The following OSER1 variants were observed in gnomAD, a reference collection of about 807,000 sequenced individuals.
OSER1 encodes the protein oxidative stress responsive serine rich 1, also known as oxidative stress-responsive serine-rich protein 1.
A neutral mutation model predicts 26.3 loss-of-function variants in OSER1; 15 were observed. The observed-to-expected ratio is 0.57, with a 90% CI of 0.38 to 0.88. The LOEUF is 0.88. OSER1 is among the 40% of genes least tolerant of loss of function. The pLI is 0.00. For missense variants in OSER1, 313 were observed against 353.9 expected (o/e 0.88, Z 0.93); for synonymous variants, 127 against 128.2 (o/e 0.99, Z 0.07).
At chr20:44,209,031 C>T (rs917428593) in intron 1 of OSER1, among the ~76,000 whole-genome samples, 2 of 152,198 alleles carry the variant, frequency 1.3e-5, no homozygotes, top group Non-Finnish European at 2.9e-5. Context: ...ACTCCATTTC[C>T]GTAAGGACTA....
In OSER1 at chr20:44,203,377, A is replaced by C. The variant is rs146564938; in HGVS notation, c.78-303T>G. 1.7e-4 allele frequency among the ~76,000 whole-genome samples: 26 copies of C among 152,358 alleles called. No individual in the cohort carries two copies. In the East Asian group the frequency reaches 4.4e-3, roughly 26 times the overall value. Reference sequence around the variant, plus strand: ...CAGGCCTTATGGCCAGAGAATGCTAATGACACTGACCATTTATCTTATGCG... The same window carrying C: ...CAGGCCTTATGGCCAGAGAATGCTACTGACACTGACCATTTATCTTATGCG... On this transcript the variant is annotated intron_variant, in intron 2 of 3. Transcript: ENST00000255174.
Position 44,197,549 on chromosome 20 carries a change from C to G in OSER1, c.382G>C (p.Glu128Gln). The change falls in exon 4 of 4, where the codon GAG (glutamate) becomes CAG (glutamine). Residue 128 changes from glutamate to glutamine, a missense_variant. Glu to Gln is a conservative substitution (Grantham distance 29). Transcript: ENST00000255174. ...GTAGAGCTTTCTCCTGCACTGAACT[C>G]TTTAGGGGATGAAATTCCCAGCCCA... Reference protein sequence around the residue: ...SSGLGISSPKEFSAGESSTSL... With the variant: ...SSGLGISSPKQFSAGESSTSL... 1 of 1,614,170 alleles carries G rather than the reference C, an allele frequency of 6.2e-7. No individual in the cohort carries two copies. Among genetic ancestry groups the G allele is most frequent in the Middle Eastern group, 1.6e-4 (1 of 6,062 alleles).
rs1228098393 is a variant in OSER1, at chr20:44,196,932, G to C, written c.*120C>G. 4.3e-6 allele frequency: 3 copies of C among 693,864 alleles called. No individual in the cohort carries two copies. Among genetic ancestry groups the C allele is most frequent in the Non-Finnish European group, 7.4e-6 (3 of 404,514 alleles). The allele number at this position is 693,864 out of a possible 1,614,324, so 43.0% of individuals were successfully genotyped here. A position where few individuals can be genotyped will look rare whatever the true frequency, so the allele number is the denominator to read the frequency against. On this transcript the variant is annotated 3_prime_UTR_variant, in exon 4 of 4. Coordinates refer to ENST00000255174, the MANE Select transcript of OSER1 (RefSeq NM_016470.8). ...TGAGATGCCAAGAAAAGTTTTTATT[G>C]CAAGCACAGTGAGCAGAAAGAGATG...
intron 3 of OSER1, among the ~76,000 whole-genome samples, chr20:44,202,317 G>A (rs532186999): frequency 1.3e-5 from 2 of 152,150 alleles, no homozygotes; most frequent in Non-Finnish European, 2.9e-5. Context: ...GGAGGGTGCA[G>A]TGAGCTGAGA....
intron 3 of OSER1, among the ~76,000 whole-genome samples, chr20:44,200,137 C>T (rs1283906878): frequency 6.6e-6 from 1 of 152,218 alleles, no homozygotes; most frequent in East Asian, 1.9e-4. Flanking sequence ...CCCGCACTAG[C>T]TAACATCTAC....
At chr20:44,202,383 G>GA (rs200951802) in intron 3 of OSER1, among the ~76,000 whole-genome samples, 19 of 143,184 alleles carry the variant, frequency 1.3e-4, no homozygotes, top group African/African-American at 2.3e-4. Flanking sequence ...TCCATCTTAA[G>GA]AAAAAAAAAA....
At chr20:44,204,390 C>A (rs1238114583) in intron 2 of OSER1, among the ~76,000 whole-genome samples, 3 of 152,224 alleles carry the variant, frequency 2.0e-5, no homozygotes, top group African/African-American at 7.2e-5. Context: ...CTTAGTCATG[C>A]TAATGACTCA....
At position 44,197,734 on chromosome 20, in the gene OSER1, G is replaced by A. The variant is rs1366092284; in HGVS notation, c.197C>T (p.Thr66Ile). The stretch of plus-strand genomic sequence containing the variant: ...CACTGCTCCTCGTGAAGACTTCCTT[G>A]TAGACCTAAAGAGGAAAAAAAATAT... Reference protein sequence around the residue: ...CASKDSWHGSTRKSSRGAVRT... With the variant: ...CASKDSWHGSIRKSSRGAVRT... The change falls in exon 4 of 4, where the codon ACA becomes ATA. Residue 66 changes from threonine (T) to isoleucine (I), a missense_variant. By Grantham distance (89) the Thr-to-Ile change is moderately conservative. Around this residue, in one of 2 missense-constraint regions of OSER1, gnomAD observed 300 missense variants for 318.3 expected, o/e 0.94. Coordinates refer to ENST00000255174, the MANE Select transcript of OSER1 (RefSeq NM_016470.8). The A allele has an allele frequency of 6.2e-7, 1 of 1,607,492 alleles. No homozygotes were observed. Among genetic ancestry groups the A allele is most frequent in the East Asian group, 2.2e-5 (1 of 44,752 alleles).
At chr20:44,198,451 C>G (rs780742228) in intron 3 of OSER1, among the ~76,000 whole-genome samples, 50 of 151,992 alleles carry the variant, frequency 3.3e-4, no homozygotes, top group Non-Finnish European at 5.9e-4. Flanking sequence ...AACCCCGTCT[C>G]TACTAAAAAT....
rs372079877 is a variant in OSER1 at position 44,197,254 on chromosome 20, A to G, written c.677T>C (p.Leu226Ser). 30 of 1,614,032 alleles carry G rather than the reference A, an allele frequency of 1.9e-5. No homozygotes were observed. Among genetic ancestry groups the G allele is most frequent in the Non-Finnish European group, 2.4e-5 (28 of 1,179,974 alleles). ...SFSGLQSVPP[L>S]APERRSTLED... ...AAGTGTGGATCTTCGTTCTGGAGCC[A>G]AGGGAGGGACACTCTGCAGGCCTGA... is the stretch of plus-strand genomic sequence containing the variant. Residue 226 changes from leucine (L) to serine (S), a missense_variant, in exon 4 of 4, where the codon TTG becomes TCG. Transcript: ENST00000255174.
chr20:44,201,195 G>A lies in OSER1; in HGVS notation c.191+1766C>T, dbSNP rs560854671. ...AAGTGCTGTGTAAGCATTGTGGTAG[G>A]TATTATAAGTACTCTAGAGATGGTT... On this transcript the variant is annotated intron_variant, in intron 3 of 3. Coordinates refer to ENST00000255174, the MANE Select transcript of OSER1 (RefSeq NM_016470.8). 5.3e-5 allele frequency among the ~76,000 whole-genome samples: 8 copies of A among 152,294 alleles called. 1 individual carries two copies. Among genetic ancestry groups the A allele is most frequent in the African/African-American group, 1.9e-4 (8 of 41,572 alleles).
intron 1 of OSER1, among the ~76,000 whole-genome samples, chr20:44,208,466 T>C (rs1375522397): frequency 6.7e-6 from 1 of 150,304 alleles, no homozygotes; most frequent in East Asian, 2.0e-4. Context: ...CTCAACTTCT[T>C]AGGACAAAAA....
Position 44,203,083 on chromosome 20 carries a change from A to G in OSER1, c.78-9T>C. 6.7e-7 allele frequency: 1 copy of G among 1,497,282 alleles called. No individual in the cohort carries two copies. Among genetic ancestry groups the G allele is most frequent in the Non-Finnish European group, 9.3e-7 (1 of 1,074,456 alleles). 92.7% of individuals were successfully genotyped at this position (1,497,282 alleles called of 1,614,324 possible). A position where few individuals can be genotyped will look rare whatever the true frequency, so the allele number is the denominator to read the frequency against. On this transcript the variant is annotated splice_polypyrimidine_tract_variant and intron_variant, in intron 2 of 3. Transcript: ENST00000255174. ...ACAGAGATGCTACAGACCTGAAGAC[A>G]AGAACAAAGTTTACAGCTACAAAAA...
At chr20:44,209,746 A>G (rs1311646954) in intron 1 of OSER1, among the ~76,000 whole-genome samples, 2 of 152,246 alleles carry the variant, frequency 1.3e-5, no homozygotes, top group Non-Finnish European at 2.9e-5. Context: ...TGGATGCGTC[A>G]CAATCTTATT....
At chr20:44,201,667 A>G (rs2072983890) in intron 3 of OSER1, among the ~76,000 whole-genome samples, 1 of 152,216 alleles carries the variant, frequency 6.6e-6, no homozygotes, top group Non-Finnish European at 1.5e-5. Context: ...GGAAGTCAGG[A>G]GATCAGAGGA....
In OSER1 at chr20:44,206,976, A is replaced by T; in HGVS notation, c.-19T>A. On this transcript the variant is annotated 5_prime_UTR_variant, in exon 2 of 4. Transcript: ENST00000255174. ...ATTTCATTGTGCAAGTTTTTACACT[A>T]CTTATCGATGTTCCTGTTTACACTA... 6.3e-7 allele frequency: 1 copy of T among 1,586,690 alleles called. No individual in the cohort carries two copies. Among genetic ancestry groups the T allele is most frequent in the Non-Finnish European group, 8.6e-7 (1 of 1,156,312 alleles).
At chr20:44,201,892 A>G (rs1399292554) in intron 3 of OSER1, among the ~76,000 whole-genome samples, 2 of 152,254 alleles carry the variant, frequency 1.3e-5, no homozygotes, top group African/African-American at 2.4e-5. Flanking sequence ...AAAAAAATAG[A>G]AAAAAGCAGG....
rs113580409 is a variant in OSER1, at chr20:44,196,972, G to A, written c.*80C>T. 1,925 of 957,218 alleles carry A rather than the reference G, an allele frequency of 2.0e-3. 20 individuals carry two copies. In the African/African-American group the frequency reaches 0.026, roughly 13 times the overall value. The allele number at this position is 957,218 out of a possible 1,614,324, so 59.3% of individuals were successfully genotyped here. A position where few individuals can be genotyped will look rare whatever the true frequency, so the allele number is the denominator to read the frequency against. On this transcript the variant is annotated 3_prime_UTR_variant, in exon 4 of 4. Coordinates refer to ENST00000255174, the MANE Select transcript of OSER1 (RefSeq NM_016470.8). ...AGAAAGAGATGTCTTCTCACACAAAGTGGCCACAAGGTCTGCCATTAACTA... is the reference window on the plus strand; with the variant it reads ...AGAAAGAGATGTCTTCTCACACAAAATGGCCACAAGGTCTGCCATTAACTA...
intron 3 of OSER1, 106 bp downstream of exon 3, chr20:44,202,855 T>A: frequency 3.3e-6 from 2 of 613,276 alleles, no homozygotes; most frequent in Non-Finnish European, 5.8e-6. Flanking sequence ...AATCATTGGG[T>A]CTTAGGTTCT....
Sources: gnomAD v4.1 joint callset for allele counts (sites outside exome capture counted in the v4.1 genomes callset) on GRCh38, gnomAD v4.1.1 for gene constraint, gnomAD v4.1.1 regional missense constraint, MANE v1.5 for transcripts, NCBI Gene and HGNC (gene_info 2026-07-23, HGNC 2026-07-21) for gene names.